NOS1: variants seen among roughly 807,000 people sequenced by gnomAD.
NOS1 encodes the protein nitric oxide synthase 1.
NOS1 carries 51 observed loss-of-function variants against 164.5 expected under a neutral mutation model. The observed-to-expected ratio is 0.31, with a 90% CI of 0.25 to 0.39. The LOEUF (loss-of-function observed/expected upper bound fraction) is 0.39, where lower values mean the gene tolerates loss of function less well. NOS1 is among the 10% of genes least tolerant of loss of function. The pLI, the probability that NOS1 is intolerant of heterozygous loss-of-function variation, is 1.00. For synonymous variants in NOS1, 719 were observed against 745.8 expected (o/e 0.96, Z 0.59); for missense variants, 1,362 against 1,885.6 (o/e 0.72, Z 5.14).
rs1188603053 is a variant in NOS1 at position 117,234,378 on chromosome 12, C to T, written c.3235+187G>A. Among the ~76,000 whole-genome samples, 1 of 152,196 alleles carries T rather than the reference C, an allele frequency of 6.6e-6. No homozygotes were observed. Among genetic ancestry groups the T allele is most frequent in the Non-Finnish European group, 1.5e-5 (1 of 68,040 alleles). On this transcript the variant is annotated intron_variant, in intron 21 of 28. Coordinates refer to ENST00000317775, the MANE Select transcript of NOS1 (RefSeq NM_000620.5). The surrounding 1 kb of genome is among the most constrained non-coding windows in gnomAD (Gnocchi z 4.3). ...GCCTGGCACTATGTGCATTTATTTG[C>T]TCAGCTGGTTGGGCCAAGGTTGATC...
chr12:117,268,555 A>T (rs997661084), intron 10 of NOS1, among the ~76,000 whole-genome samples: 2 of 147,156 alleles, frequency 1.4e-5, no homozygotes, highest in South Asian at 2.2e-4. Flanking sequence ...TTAATTAATC[A>T]ACTCATTCAC....
intron 25 of NOS1, among the ~76,000 whole-genome samples, chr12:117,223,440 T>C (rs1388600499): frequency 2.6e-5 from 4 of 151,714 alleles, no homozygotes; most frequent in Admixed American, 6.6e-5. Context: ...TTTTGTATTT[T>C]TAGTAGAGAT....
chr12:117,229,390 TG>T (rs2135936848), intron 22 of NOS1, among the ~76,000 whole-genome samples: 1 of 152,314 alleles, frequency 6.6e-6, no homozygotes, highest in African/African-American at 2.4e-5. Flanking sequence ...TTCCTTTGGT[TG>T]GGGTTAGATT....
At chr12:117,235,874 C>T (rs1026771255) in intron 20 of NOS1, among the ~76,000 whole-genome samples, 3 of 152,160 alleles carry the variant, frequency 2.0e-5, no homozygotes, top group African/African-American at 7.2e-5. Flanking sequence ...AAAACCCCGT[C>T]TCTACTAAAA....
At chr12:117,294,028 C>T (rs1178129553) in intron 3 of NOS1, among the ~76,000 whole-genome samples, 1 of 152,178 alleles carries the variant, frequency 6.6e-6, no homozygotes, top group African/African-American at 2.4e-5. Context: ...TTGTAGCAAA[C>T]ACATCCCTCT....
At chr12:117,250,725 G>A (rs1871033493) in intron 17 of NOS1, among the ~76,000 whole-genome samples, 1 of 152,094 alleles carries the variant, frequency 6.6e-6, no homozygotes, top group African/African-American at 2.4e-5. Context: ...ATGGTGACTG[G>A]GTGTGGACTG....
At position 117,263,993 on chromosome 12, in the gene NOS1, G is replaced by A. The variant is rs1375866791; in HGVS notation, c.2137-19C>T. ...GATCAGGCTGGGAAGAGAAGGAGAG[G>A]GCTATGGTCACTCACTGCAGTGAGG... On this transcript the variant is annotated intron_variant, in intron 12 of 28. Transcript: ENST00000317775. 6.2e-7 allele frequency: 1 copy of A among 1,605,406 alleles called. No individual in the cohort carries two copies. The highest frequency in any genetic ancestry group is 8.5e-7 in the Non-Finnish European group (1 of 1,172,362).
chr12:117,302,798 T>G (rs1226686635), intron 3 of NOS1, among the ~76,000 whole-genome samples: 1 of 151,820 alleles, frequency 6.6e-6, no homozygotes, highest in Non-Finnish European at 1.5e-5. Context: ...CAGGCTGGAG[T>G]GCAGTGGCAC....
intron 3 of NOS1, among the ~76,000 whole-genome samples, chr12:117,307,210 G>A (rs550117327): frequency 6.6e-4 from 92 of 138,956 alleles, no homozygotes; most frequent in Non-Finnish European, 1.2e-3. Flanking sequence ...ACTGCAGACC[G>A]GGAATTACAA....
intron 7 of NOS1, among the ~76,000 whole-genome samples, chr12:117,283,654 G>C (rs1873866796): frequency 6.6e-6 from 1 of 151,996 alleles, no homozygotes; most frequent in Admixed American, 6.6e-5. Flanking sequence ...TCAGGAGTTT[G>C]AAACTAGCCT....
rs146442744 is a variant in NOS1 at position 117,210,139 on chromosome 12, AT to A, written c.*5169del. ...AGGAGCATGCCATCATGCCCAGCTAATTTTTTTTTTTTTTTTTTTTTAGTAG... is the reference window on the plus strand; with the variant it reads ...AGGAGCATGCCATCATGCCCAGCTAATTTTTTTTTTTTTTTTTTTTAGTAG... On this transcript the variant is annotated 3_prime_UTR_variant, in exon 29 of 29. Coordinates refer to ENST00000317775, the MANE Select transcript of NOS1 (RefSeq NM_000620.5). 32,291 of 290,028 alleles carry A rather than the reference AT, an allele frequency of 0.11. 93 individuals are homozygous for A. The highest frequency in any genetic ancestry group is 0.13 in the Non-Finnish European group (26,983 of 206,996). 18.0% of individuals were successfully genotyped at this position (290,028 alleles called of 1,614,324 possible). A position where few individuals can be genotyped will look rare whatever the true frequency, so the allele number is the denominator to read the frequency against.
intron 27 of NOS1, 106 bp downstream of exon 27, chr12:117,219,969 G>A (rs951330511): frequency 1.9e-5 from 20 of 1,061,548 alleles, no homozygotes; most frequent in Non-Finnish European, 2.6e-5. Flanking sequence ...ATGGGAGCAG[G>A]GATATCATCG....
At chr12:117,352,290 G>T (rs1876660190) in intron 1 of NOS1, among the ~76,000 whole-genome samples, 1 of 152,202 alleles carries the variant, frequency 6.6e-6, no homozygotes, top group African/African-American at 2.4e-5. Flanking sequence ...GGGCCTGGGG[G>T]AAAGCTTGCT....
At chr12:117,323,517 CCT>C (rs1875088600) in intron 2 of NOS1, among the ~76,000 whole-genome samples, 1 of 152,212 alleles carries the variant, frequency 6.6e-6, no homozygotes, top group Admixed American at 6.5e-5. Context: ...AGTGACCATA[CCT>C]CTCTGAGCCC....
At chr12:117,312,311 C>A (rs1348725481) in intron 2 of NOS1, among the ~76,000 whole-genome samples, 1 of 152,212 alleles carries the variant, frequency 6.6e-6, no homozygotes, top group Non-Finnish European at 1.5e-5. Context: ...TCAAGCGATG[C>A]CCCTGCCTCA....
Position 117,208,971 on chromosome 12 carries a change from C to T in NOS1, c.*6338G>A. 1 of 929,732 alleles carries T rather than the reference C, an allele frequency of 1.1e-6. No individual in the cohort carries two copies. Among genetic ancestry groups the T allele is most frequent in the Non-Finnish European group, 1.3e-6 (1 of 779,212 alleles). 57.6% of individuals were successfully genotyped at this position (929,732 alleles called of 1,614,324 possible). On this transcript the variant is annotated 3_prime_UTR_variant, in exon 29 of 29. Coordinates refer to ENST00000317775, the MANE Select transcript of NOS1 (RefSeq NM_000620.5). ...CTCCCAGCCTCAAGTGATCTGCCAG[C>T]CTCGGCCTCCCAAAGTCCTGTGATT...
chr12:117,247,822 T>C (rs937734331), intron 17 of NOS1, among the ~76,000 whole-genome samples: 22 of 151,840 alleles, frequency 1.4e-4, no homozygotes, highest in Admixed American at 1.4e-3. Flanking sequence ...GGCAGGCGCC[T>C]GTAGTCCCAG....
chr12:117,265,571 C>T, intron 11 of NOS1, 61 bp from the exon 12 acceptor site: 1 of 1,291,672 alleles, frequency 7.7e-7, no homozygotes, highest in Middle Eastern at 2.6e-4. Context: ...TTTGGGACTC[C>T]CTGCCCCAAA....
intron 3 of NOS1, among the ~76,000 whole-genome samples, chr12:117,291,529 C>CT (rs565345654): frequency 0.031 from 3,062 of 97,290 alleles, 199 homozygotes; most frequent in African/African-American, 0.097. Context: ...TTACATCTGT[C>CT]TTTTTTTTTT....
Sources: gnomAD v4.1 joint callset for allele counts (sites outside exome capture counted in the v4.1 genomes callset) on GRCh38, gnomAD v4.1.1 for gene constraint, Gnocchi (gnomAD v3.1) non-coding constraint, MANE v1.5 for transcripts, NCBI Gene and HGNC (gene_info 2026-07-23, HGNC 2026-07-21) for gene names.